PHKA1: variants seen among roughly 807,000 people sequenced by gnomAD.
PHKA1 encodes the protein phosphorylase b kinase regulatory subunit alpha, skeletal muscle isoform.
Under a neutral mutation model 110.2 loss-of-function variants are expected in PHKA1, and 60 were observed. The ratio of observed to expected loss-of-function variants is 0.54; its 90% CI spans 0.44 to 0.68. The LOEUF is 0.68. PHKA1 is among the 30% of genes least tolerant of loss of function. The probability of loss-of-function intolerance (pLI) is 0.00; values close to 1 mark genes in which losing one functional copy is unlikely to be tolerated. For missense variants in PHKA1, 801 were observed against 942.5 expected (o/e 0.85, Z 1.97); for synonymous variants, 316 against 333.6 (o/e 0.95, Z 0.58).
At chrX:72,649,367 T>C (rs530144932) in intron 13 of PHKA1, among the ~76,000 whole-genome samples, 18 of 111,342 alleles carry the variant, frequency 1.6e-4, no homozygotes, top group African/African-American at 4.2e-4. Context: ...GGTGATATCA[T>C]TGAGAGAAAT....
At chrX:72,713,706 A>ACG (rs2054420338) in intron 1 of PHKA1, 97 bp downstream of exon 1, 2 of 628,937 alleles carry the variant, frequency 3.2e-6, no homozygotes, top group Non-Finnish European at 5.2e-6. Context: ...ACACACCCAC[A>ACG]CACGCACGCA....
At chrX:72,598,663 T>C (rs2052621111) in intron 28 of PHKA1, among the ~76,000 whole-genome samples, 1 of 112,042 alleles carries the variant, frequency 8.9e-6, no homozygotes, top group Non-Finnish European at 1.9e-5. Flanking sequence ...TAGGATATTA[T>C]TCAGCAATGA....
chrX:72,681,624 G>A (rs2053875100), intron 5 of PHKA1, among the ~76,000 whole-genome samples: 1 of 85,535 alleles, frequency 1.2e-5, no homozygotes, highest in Non-Finnish European at 2.4e-5. Flanking sequence ...CTACTGGGAA[G>A]TGAGGAGCCC....
chrX:72,673,014 G>A (rs782171718), intron 6 of PHKA1, among the ~76,000 whole-genome samples: 2 of 111,847 alleles, frequency 1.8e-5, no homozygotes, highest in Admixed American at 9.5e-5. Flanking sequence ...TGTTTCAGAC[G>A]GAAGAAGCCT....
At chrX:72,657,476 T>A (rs1218058815) in intron 9 of PHKA1, 112 bp downstream of exon 9, 29 of 551,079 alleles carry the variant, frequency 5.3e-5, no homozygotes. Context: ...ATCATTATCC[T>A]ACTTAGTGAT....
rs782769806 is a variant in PHKA1, at chrX:72,673,014, GGAA to G, written c.618+3053_618+3055del. Among the ~76,000 whole-genome samples the G allele has an allele frequency of 1.3e-4, 14 of 111,886 alleles. No homozygotes were observed. The South Asian group carries it at 5.2e-3, about 41-fold the overall frequency. On this transcript the variant is annotated intron_variant, in intron 6 of 31. Transcript: ENST00000373542. Reference sequence around the variant, plus strand: ...TAAGGACTGAGGCACTGTTTCAGACGGAAGAAGCCTAAAGAGACATTACAATTA... The same window carrying G: ...TAAGGACTGAGGCACTGTTTCAGACGGAAGCCTAAAGAGACATTACAATTA...
Position 72,607,070 on chromosome X carries a change from T to C in PHKA1, c.2607-1451A>G, listed in dbSNP as rs782008347. On this transcript the variant is annotated intron_variant, in intron 23 of 31. Transcript: ENST00000373542. ...GACAGGATCTCATTTTTTTTGTGTC[T>C]GAATAGTACTCCCTTGTGTATATGT... 8.0e-5 allele frequency among the ~76,000 whole-genome samples: 9 copies of C among 112,023 alleles called. No homozygotes were observed. In the East Asian group the frequency reaches 2.5e-3, roughly 31 times the overall value.
chrX:72,644,619 A>G, intron 13 of PHKA1, 123 bp from the exon 14 acceptor site: 1 of 564,058 alleles, frequency 1.8e-6, no homozygotes, highest in Non-Finnish European at 2.9e-6. Flanking sequence ...ATGAACAGTT[A>G]TTGAGGAACT....
intron 17 of PHKA1, among the ~76,000 whole-genome samples, chrX:72,625,982 C>T: frequency 9.0e-6 from 1 of 110,879 alleles, no homozygotes; most frequent in Admixed American, 9.7e-5. Flanking sequence ...TGTTCCTAGA[C>T]AAAACAAAGA....
chrX:72,704,583 G>GTA (rs1603276057), intron 3 of PHKA1, among the ~76,000 whole-genome samples: 1 of 110,400 alleles, frequency 9.1e-6, no homozygotes, highest in African/African-American at 3.3e-5. Context: ...GCATGTGTGT[G>GTA]TGTGTGTGTG....
Position 72,580,828 on chromosome X carries a change from G to A in PHKA1, c.*174C>T. 4.1e-6 allele frequency: 2 copies of A among 485,859 alleles called. No homozygotes were observed. The highest frequency in any genetic ancestry group is 7.3e-6 in the Non-Finnish European group (2 of 273,365). The allele number at this position is 485,859 out of a possible 1,213,427, so 40.0% of individuals were successfully genotyped here. A position where few individuals can be genotyped will look rare whatever the true frequency, so the allele number is the denominator to read the frequency against. ...CTGCAAGGTGAGCCTCCAGGTAAGTGTTCACTTCTTCTACAGTAGTTAGTT... is the reference window on the plus strand; with the variant it reads ...CTGCAAGGTGAGCCTCCAGGTAAGTATTCACTTCTTCTACAGTAGTTAGTT... On this transcript the variant is annotated 3_prime_UTR_variant, in exon 32 of 32. Transcript: ENST00000373542.
intron 16 of PHKA1, 31 bp from the exon 17 acceptor site, chrX:72,627,080 T>A (rs2053086265): frequency 9.2e-7 from 1 of 1,084,879 alleles, no homozygotes; most frequent in Non-Finnish European, 1.3e-6. Context: ...AAAACAATCT[T>A]TGTGGTTTTA....
chrX:72,620,640 T>G, intron 19 of PHKA1, 85 bp downstream of exon 19: 1 of 817,364 alleles, frequency 1.2e-6, no homozygotes, highest in African/African-American at 2.0e-5. Context: ...CTAAAGTTCC[T>G]GCTTACATTG....
chrX:72,672,229 A>T (rs1346397781), intron 6 of PHKA1, among the ~76,000 whole-genome samples: 4 of 111,896 alleles, frequency 3.6e-5, no homozygotes, highest in African/African-American at 1.3e-4. Context: ...GCCCATAAAG[A>T]ACACCCCAGG....
At chrX:72,593,492 C>T (rs2052551395) in intron 28 of PHKA1, 2 of 351,329 alleles carry the variant, frequency 5.7e-6, no homozygotes, top group African/African-American at 2.6e-5. Flanking sequence ...CAGGCGCCTG[C>T]CACCATGCTC....
chrX:72,705,613 A>C (rs1278080145), intron 2 of PHKA1, among the ~76,000 whole-genome samples: 1 of 111,958 alleles, frequency 8.9e-6, no homozygotes, highest in African/African-American at 3.2e-5. Context: ...CTTCACTACA[A>C]CATTGCTTTC....
intron 14 of PHKA1, among the ~76,000 whole-genome samples, chrX:72,638,740 A>G (rs981680683): frequency 8.9e-6 from 1 of 111,743 alleles, no homozygotes; most frequent in African/African-American, 3.3e-5. Context: ...AGGGGTTTCA[A>G]CTGAAAGCCC....
chrX:72,627,297 C>T (rs2053089633), intron 16 of PHKA1, among the ~76,000 whole-genome samples: 1 of 112,041 alleles, frequency 8.9e-6, no homozygotes, highest in Non-Finnish European at 1.9e-5. Flanking sequence ...TCTTATTTGT[C>T]AGAAGTACTT....
At chrX:72,659,966 C>A (rs1440521816) in intron 8 of PHKA1, among the ~76,000 whole-genome samples, 1 of 112,216 alleles carries the variant, frequency 8.9e-6, no homozygotes, top group Admixed American at 9.4e-5. Context: ...AATTTGCTAA[C>A]CCCTGAACTA....
Sources: allele counts gnomAD v4.1 joint callset (sites outside exome capture counted in the v4.1 genomes callset), GRCh38; gene constraint gnomAD v4.1.1; transcripts MANE v1.5; gene names NCBI Gene and HGNC (gene_info 2026-07-23, HGNC 2026-07-21).